Variants in C3orf18 observed in about 807,000 individuals in gnomAD.
C3orf18 encodes the protein uncharacterized protein C3orf18.
C3orf18 carries 12 observed loss-of-function variants against 14.1 expected under a neutral mutation model. The ratio of observed to expected loss-of-function variants is 0.85; its 90% CI spans 0.55 to 1.38. The LOEUF is 1.38. Ranked by LOEUF, C3orf18 falls within the 40% of genes most tolerant of loss-of-function variation. The probability of loss-of-function intolerance (pLI) is 0.00; values close to 1 mark genes in which losing one functional copy is unlikely to be tolerated. For missense variants in C3orf18, 196 were observed against 213.9 expected, an observed-to-expected ratio of 0.92 and a Z score of 0.52; for synonymous variants, 82 against 87.9, an observed-to-expected ratio of 0.93 and a Z score of 0.38.
upstream of C3orf18, among the ~76,000 whole-genome samples, chr3:50,568,858 C>T (rs1268916437): frequency 6.6e-6 from 1 of 152,096 alleles, no homozygotes; most frequent in African/African-American, 2.4e-5. Context: ...TTATAGAAGG[C>T]GCAACTGAGG....
chr3:50,558,877 C>T lies in C3orf18; in HGVS notation c.*780G>A, dbSNP rs940168656. On this transcript the variant is annotated 3_prime_UTR_variant, in exon 6 of 6. Coordinates refer to ENST00000357203, the MANE Select transcript of C3orf18 (RefSeq NM_016210.5). ...CCAGTGTGGACAATCTCATTCTGCCCGCTGTGCTGGGACAGGCACATGTCT... is the reference window on the plus strand; with the variant it reads ...CCAGTGTGGACAATCTCATTCTGCCTGCTGTGCTGGGACAGGCACATGTCT... The T allele has an allele frequency of 2.7e-5, 35 of 1,289,644 alleles. No homozygotes were observed. The highest frequency in any genetic ancestry group is 5.5e-5 in the East Asian group (1 of 18,022). The allele number at this position is 1,289,644 out of a possible 1,614,324, so 79.9% of individuals were successfully genotyped here.
At chr3:50,568,244 C>T (rs1700494958), upstream of C3orf18, among the ~76,000 whole-genome samples, 1 of 152,162 alleles carries the variant, frequency 6.6e-6, no homozygotes, top group Non-Finnish European at 1.5e-5. Context: ...CACCCCGACC[C>T]AGGCAAGTCT....
intron 3 of C3orf18, chr3:50,562,441 G>A: frequency 4.4e-6 from 2 of 454,354 alleles, no homozygotes. Flanking sequence ...ACTCTTCCCA[G>A]GCTCAAAGCC....
chr3:50,566,752 G>A (rs1700327858), intron 1 of C3orf18, among the ~76,000 whole-genome samples: 1 of 152,170 alleles, frequency 6.6e-6, no homozygotes, highest in African/African-American at 2.4e-5. Flanking sequence ...CTAGGGTCAA[G>A]GAGAAAGGCG....
upstream of C3orf18, chr3:50,572,287 AG>A: frequency 1.3e-6 from 2 of 1,533,766 alleles, no homozygotes; most frequent in Non-Finnish European, 8.8e-7. Flanking sequence ...GGCTTCCTCC[AG>A]GGGGCACTGG....
At chr3:50,567,075 G>C (rs1014238461) in intron 1 of C3orf18, among the ~76,000 whole-genome samples, 3 of 152,168 alleles carry the variant, frequency 2.0e-5, no homozygotes, top group African/African-American at 7.2e-5. Flanking sequence ...AGGGTTATGG[G>C]GTAGAAAGGC....
intron 5 of C3orf18, 36 bp from the exon 6 acceptor site, chr3:50,559,773 G>GCCTT: frequency 6.9e-7 from 1 of 1,454,800 alleles, no homozygotes; most frequent in Non-Finnish European, 9.4e-7. Flanking sequence ...AGAGACCATG[G>GCCTT]GCAAGGCCAT....
intron 3 of C3orf18, among the ~76,000 whole-genome samples, chr3:50,562,177 C>T (rs1334206185): frequency 6.6e-6 from 1 of 152,158 alleles, no homozygotes; most frequent in Admixed American, 6.5e-5. Context: ...GGATTACAGG[C>T]GTGAGCCACC....
intron 3 of C3orf18, chr3:50,562,020 C>T (rs970408898): frequency 5.1e-6 from 3 of 591,148 alleles, no homozygotes; most frequent in Admixed American, 6.0e-5. Flanking sequence ...CTGCCTAAGC[C>T]TCCTGAGTAG....
At chr3:50,562,498 G>A in intron 3 of C3orf18, 1 of 454,720 alleles carries the variant, frequency 2.2e-6, no homozygotes, top group South Asian at 1.6e-5. Context: ...GCACATGCCT[G>A]TAGTCCCAGT....
chr3:50,570,878 AGG>A (rs939397287), upstream of C3orf18: 3 of 445,092 alleles, frequency 6.7e-6, no homozygotes, highest in East Asian at 1.1e-4. Context: ...TATTGGTAGA[AGG>A]GGGGGTGTCA....
At chr3:50,562,128 G>C (rs1051855235) in intron 3 of C3orf18, among the ~76,000 whole-genome samples, 2 of 152,188 alleles carry the variant, frequency 1.3e-5, no homozygotes, top group African/African-American at 4.8e-5. Flanking sequence ...TTGAACTCCT[G>C]ACCTTGTGAT....
intron 3 of C3orf18, chr3:50,562,021 TC>T: frequency 1.7e-6 from 1 of 588,816 alleles, no homozygotes; most frequent in East Asian, 2.8e-5. Context: ...TGCCTAAGCC[TC>T]CTGAGTAGCT....
Position 50,559,703 on chromosome 3 carries a change from G to C in C3orf18, c.443C>G (p.Pro148Arg), listed in dbSNP as rs1699847228. Residue 148 changes from proline to arginine, a missense_variant, in exon 6 of 6, where the codon CCC becomes CGC. Coordinates refer to ENST00000357203, the MANE Select transcript of C3orf18 (RefSeq NM_016210.5). ...CACATCGGTAAACACCAGCCGGCTG[G>C]GTCTCTGCAGTGGGCCCTGGGAGGG... is the stretch of plus-strand genomic sequence containing the variant. ...TLPSQGPLQR[P>R]SRLVFTDVAN... The C allele has an allele frequency of 1.3e-6, 2 of 1,596,330 alleles. No homozygotes were observed. The highest frequency in any genetic ancestry group is 2.3e-5 in the East Asian group (1 of 44,082).
At chr3:50,563,854 A>T (rs368380949) in intron 3 of C3orf18, among the ~76,000 whole-genome samples, 1 of 152,242 alleles carries the variant, frequency 6.6e-6, no homozygotes, top group South Asian at 2.1e-4. Context: ...CCAAGGACAA[A>T]ACCTTTCACT....
chr3:50,573,704 C>T (rs1280072779), upstream of C3orf18, among the ~76,000 whole-genome samples: 1 of 152,210 alleles, frequency 6.6e-6, no homozygotes, highest in Non-Finnish European at 1.5e-5. Context: ...GATGCCTTAC[C>T]AAGAACTCAA....
chr3:50,567,008 G>A (rs980792417), intron 1 of C3orf18, among the ~76,000 whole-genome samples: 3 of 152,184 alleles, frequency 2.0e-5, no homozygotes, highest in Non-Finnish European at 4.4e-5. Context: ...ATGCATGGGC[G>A]TGTGTGAGAT....
At position 50,558,764 on chromosome 3, in the gene C3orf18, C is replaced by A; in HGVS notation, c.*893G>T. 7.8e-7 allele frequency: 1 copy of A among 1,289,878 alleles called. No homozygotes were observed. The highest frequency in any genetic ancestry group is 1.0e-6 in the Non-Finnish European group (1 of 988,878). The allele number at this position is 1,289,878 out of a possible 1,614,324, so 79.9% of individuals were successfully genotyped here. On this transcript the variant is annotated 3_prime_UTR_variant, in exon 6 of 6. Transcript: ENST00000357203. ...GCTGTGCGTGCTTCCCTCTTCCCTG[C>A]AGTCCCTGAAGATTGAAGGCAGAGA...
At chr3:50,574,257 A>C (rs1701329880), upstream of C3orf18, among the ~76,000 whole-genome samples, 1 of 152,212 alleles carries the variant, frequency 6.6e-6, no homozygotes, top group Admixed American at 6.5e-5. Context: ...TCTTGCCGAA[A>C]GAGCCACCAG....
Sources: allele counts gnomAD v4.1 joint callset (sites outside exome capture counted in the v4.1 genomes callset), GRCh38; gene constraint gnomAD v4.1.1; transcripts MANE v1.5; gene names NCBI Gene and HGNC (gene_info 2026-07-23, HGNC 2026-07-21).